The following TPST1 variants were observed in gnomAD, a reference collection of about 807,000 sequenced individuals.
The protein encoded by TPST1 is protein-tyrosine sulfotransferase 1.
TPST1 carries 20 observed loss-of-function variants against 34.8 expected under a neutral mutation model. The observed-to-expected ratio is 0.57, with a 90% confidence interval of 0.40 to 0.84. The LOEUF is 0.84. Among genes scored for constraint, TPST1 ranks in the 40% least tolerant of loss-of-function variants. The pLI, the probability that TPST1 is intolerant of heterozygous loss-of-function variation, is 0.00. For synonymous variants in TPST1, 152 were observed against 159.4 expected (o/e 0.95, Z 0.35); for missense variants, 353 against 455.5 (o/e 0.78, Z 2.05).
At chr7:66,234,024 A>T (rs777018887) in intron 1 of TPST1, among the ~76,000 whole-genome samples, 1 of 152,026 alleles carries the variant, frequency 6.6e-6, no homozygotes, top group African/African-American at 2.4e-5. Flanking sequence ...ACCACGGCTA[A>T]TTTTTGTATT....
intron 2 of TPST1, among the ~76,000 whole-genome samples, chr7:66,256,277 A>T (rs1790382080): frequency 6.6e-6 from 1 of 152,222 alleles, no homozygotes; most frequent in Non-Finnish European, 1.5e-5. Flanking sequence ...CTAGTTCACT[A>T]AGAGTTTTCA....
At chr7:66,247,891 T>G (rs1790183897) in intron 2 of TPST1, among the ~76,000 whole-genome samples, 1 of 152,238 alleles carries the variant, frequency 6.6e-6, no homozygotes, top group African/African-American at 2.4e-5. Context: ...CGCCCTGTTA[T>G]GCCTGACCTA....
intron 2 of TPST1, among the ~76,000 whole-genome samples, chr7:66,261,278 C>T (rs1790484218): frequency 7.1e-6 from 1 of 141,432 alleles, no homozygotes; most frequent in South Asian, 2.2e-4. Context: ...TACTTTGAAG[C>T]CTTTCATTTA....
intron 1 of TPST1, among the ~76,000 whole-genome samples, chr7:66,207,293 T>C (rs532507981): frequency 1.3e-5 from 2 of 152,286 alleles, no homozygotes; most frequent in South Asian, 2.1e-4. Flanking sequence ...TTGCCTTCTC[T>C]TCATTGCTTA....
intron 1 of TPST1, among the ~76,000 whole-genome samples, chr7:66,224,109 C>T (rs555802155): frequency 5.9e-4 from 90 of 152,166 alleles, no homozygotes; most frequent in African/African-American, 2.1e-3. Context: ...CAGCCCCTAA[C>T]GTGCAGCTAG....
chr7:66,314,982 C>G (rs560309239), intron 3 of TPST1, among the ~76,000 whole-genome samples: 39 of 152,294 alleles, frequency 2.6e-4, no homozygotes, highest in Admixed American at 7.8e-4. Flanking sequence ...CTTACCCACA[C>G]CAATGGTACA....
chr7:66,213,977 A>G (rs1285015967), intron 1 of TPST1, among the ~76,000 whole-genome samples: 2 of 152,212 alleles, frequency 1.3e-5, no homozygotes, highest in Non-Finnish European at 2.9e-5. Context: ...GAGAAGGAGC[A>G]TGTAGCTCCC....
chr7:66,338,858 A>G lies in TPST1; in HGVS notation c.1045-13647A>G, dbSNP rs1335054309. 2.0e-5 allele frequency among the ~76,000 whole-genome samples: 3 copies of G among 152,142 alleles called. No individual in the cohort carries two copies. The East Asian group carries it at 5.8e-4, about 29-fold the overall frequency. On this transcript the variant is annotated intron_variant, in intron 3 of 5. Transcript: ENST00000304842. ...ACGTCTATATCAAAAAAGTAAAAAG[A>G]CTTCAAATAACCTAACGATACACCT...
intron 5 of TPST1, chr7:66,359,114 C>T (rs1424652950): frequency 1.3e-5 from 2 of 150,208 alleles, no homozygotes; most frequent in African/African-American, 4.9e-5. Context: ...GGTGCTGACC[C>T]CTGGACACTT....
At chr7:66,343,714 A>G (rs1792285779) in intron 3 of TPST1, among the ~76,000 whole-genome samples, 2 of 152,248 alleles carry the variant, frequency 1.3e-5, no homozygotes, top group South Asian at 2.1e-4. Context: ...GCTTTCAACA[A>G]AAACTTACAA....
intron 3 of TPST1, among the ~76,000 whole-genome samples, chr7:66,317,926 A>G (rs183183151): frequency 2.0e-5 from 3 of 152,330 alleles, no homozygotes; most frequent in South Asian, 4.1e-4. Flanking sequence ...TGGGAGGCCA[A>G]AGCGGGTGGA....
chr7:66,342,773 G>A (rs1260347948), intron 3 of TPST1, among the ~76,000 whole-genome samples: 3 of 152,108 alleles, frequency 2.0e-5, no homozygotes, highest in Non-Finnish European at 4.4e-5. Context: ...CAGGTCTTGC[G>A]TGAACTATAG....
At chr7:66,228,932 T>C (rs919909341) in intron 1 of TPST1, among the ~76,000 whole-genome samples, 1 of 152,180 alleles carries the variant, frequency 6.6e-6, no homozygotes, top group Admixed American at 6.5e-5. Flanking sequence ...CATAATAAAA[T>C]AGAATTTTTT....
intron 5 of TPST1, among the ~76,000 whole-genome samples, chr7:66,358,302 T>C (rs1239973868): frequency 6.6e-6 from 1 of 151,134 alleles, no homozygotes; most frequent in Non-Finnish European, 1.5e-5. Flanking sequence ...AGTGATTTTT[T>C]CTCATAGTTT....
chr7:66,236,739 GT>G (rs1466891669), intron 1 of TPST1, among the ~76,000 whole-genome samples: 1 of 152,060 alleles, frequency 6.6e-6, no homozygotes. Flanking sequence ...CCTGTCTTAG[GT>G]TTTGGAAGTT....
chr7:66,296,531 C>T (rs1562832810), intron 3 of TPST1, among the ~76,000 whole-genome samples: 1 of 151,838 alleles, frequency 6.6e-6, no homozygotes, highest in Non-Finnish European at 1.5e-5. Context: ...GATTGTTGAC[C>T]GTTAGCTATG....
chr7:66,313,144 G>A (rs576221551), intron 3 of TPST1, among the ~76,000 whole-genome samples: 9 of 152,168 alleles, frequency 5.9e-5, no homozygotes, highest in African/African-American at 1.7e-4. Context: ...AGCCAGGCGC[G>A]GTGGCTCATG....
At chr7:66,210,687 G>A (rs1789224401) in intron 1 of TPST1, among the ~76,000 whole-genome samples, 1 of 152,196 alleles carries the variant, frequency 6.6e-6, no homozygotes, top group Admixed American at 6.5e-5. Flanking sequence ...AGGACAGCTG[G>A]GTGTGGTGGC....
intron 3 of TPST1, among the ~76,000 whole-genome samples, chr7:66,324,467 G>GAAAAA (rs1205766050): frequency 2.0e-5 from 3 of 151,680 alleles, no homozygotes. Flanking sequence ...TTAAAATGGG[G>GAAAAA]AAAAAAAAGA....
Sources: allele counts gnomAD v4.1 joint callset (sites outside exome capture counted in the v4.1 genomes callset), GRCh38; gene constraint gnomAD v4.1.1; transcripts MANE v1.5; gene names NCBI Gene and HGNC (gene_info 2026-07-23, HGNC 2026-07-21).